Variants in MDGA2 observed in about 807,000 individuals in gnomAD.
MDGA2 encodes MAM domain containing glycosylphosphatidylinositol anchor 2.
A neutral mutation model predicts 117.8 loss-of-function variants in MDGA2; 40 were observed. The observed-to-expected ratio is 0.34, with a 90% CI of 0.26 to 0.44. MDGA2 has a LOEUF of 0.44. Among genes scored for constraint, MDGA2 ranks in the 20% least tolerant of loss-of-function variants. MDGA2 has a pLI of 1.00. For missense variants in MDGA2, 1,123 were observed against 1,250.6 expected, an observed-to-expected ratio of 0.90 and a Z score of 1.54; for synonymous variants, 452 against 439.0, an observed-to-expected ratio of 1.03 and a Z score of -0.37.
chr14:47,446,630 A>T (rs1893128294), intron 1 of MDGA2, among the ~76,000 whole-genome samples: 1 of 152,166 alleles, frequency 6.6e-6, no homozygotes, highest in African/African-American at 2.4e-5. Flanking sequence ...AAGACTTGCA[A>T]GACTGAAGTT....
intron 3 of MDGA2, 143 bp downstream of exon 3, chr14:47,217,878 C>T (rs571250361): frequency 2.4e-5 from 13 of 549,392 alleles, no homozygotes; most frequent in African/African-American, 1.2e-4. Flanking sequence ...TCTTCAGGAA[C>T]GTTTTAAGGG....
At chr14:47,308,484 T>G (rs1889529101) in intron 1 of MDGA2, among the ~76,000 whole-genome samples, 1 of 146,906 alleles carries the variant, frequency 6.8e-6, no homozygotes, top group Admixed American at 7.1e-5. Context: ...CTTTTCTTTT[T>G]TCCCTCTCTT....
intron 9 of MDGA2, among the ~76,000 whole-genome samples, chr14:46,921,067 A>T (rs1566526006): frequency 2.6e-5 from 4 of 152,120 alleles, no homozygotes; most frequent in East Asian, 1.9e-4. Flanking sequence ...CTGAAGTATA[A>T]TTTTTTCTAT....
chr14:47,066,800 T>C (rs941517253), intron 6 of MDGA2, among the ~76,000 whole-genome samples: 1 of 152,026 alleles, frequency 6.6e-6, no homozygotes, highest in Non-Finnish European at 1.5e-5. Context: ...TAAAACCTGT[T>C]TCAGAAAATG....
chr14:47,461,288 T>TGTGTGTGTGTGA (rs1368753684), intron 1 of MDGA2, among the ~76,000 whole-genome samples: 1 of 151,756 alleles, frequency 6.6e-6, no homozygotes, highest in African/African-American at 2.4e-5. Context: ...TGTGTGTGTG[T>TGTGTGTGTGTGA]GTGTGTGTGT....
In MDGA2 at chr14:46,905,803, A is replaced by G. The variant is rs563924847; in HGVS notation, c.2238+14209T>C. ...TAGATAACTGAAACAAAACAAAACA[A>G]AAAAACACAAATCTCTTTGGTGAGC... On this transcript the variant is annotated intron_variant, in intron 10 of 16. Transcript: ENST00000399232. Among the ~76,000 whole-genome samples the G allele has an allele frequency of 2.3e-3, 355 of 152,214 alleles. 1 individual carries two copies. The highest frequency in any genetic ancestry group is 8.1e-3 in the African/African-American group (338 of 41,570).
chr14:46,857,698 A>G (rs902845444), intron 14 of MDGA2, among the ~76,000 whole-genome samples: 1 of 152,144 alleles, frequency 6.6e-6, no homozygotes, highest in East Asian at 1.9e-4. Context: ...TCTGTCACCC[A>G]GACTGGTGTG....
At chr14:47,568,152 T>G (rs1378387965) in intron 1 of MDGA2, among the ~76,000 whole-genome samples, 1 of 152,166 alleles carries the variant, frequency 6.6e-6, no homozygotes, top group Non-Finnish European at 1.5e-5. Context: ...AAATCACATG[T>G]GGATTTTATG....
chr14:47,312,583 A>G (rs1232362520), intron 1 of MDGA2, among the ~76,000 whole-genome samples: 7 of 151,894 alleles, frequency 4.6e-5, no homozygotes, highest in East Asian at 1.9e-4. Flanking sequence ...AATCACCGTA[A>G]CCTGTAACCT....
Position 46,937,221 on chromosome 14 carries a change from C to A in MDGA2, c.2090-17061G>T, listed in dbSNP as rs374504818. On this transcript the variant is annotated intron_variant, in intron 9 of 16. Transcript: ENST00000399232. ...GCACACCGCTCCCCCGACACCCCCC[C>A]CAACACAAATACCTGAAACAAATTT... Among the ~76,000 whole-genome samples the A allele has an allele frequency of 2.4e-4, 36 of 150,778 alleles. No individual in the cohort carries two copies. The East Asian group carries it at 3.1e-3, about 13-fold the overall frequency.
chr14:47,597,478 A>C (rs1359346844), intron 1 of MDGA2, among the ~76,000 whole-genome samples: 1 of 152,060 alleles, frequency 6.6e-6, no homozygotes, highest in African/African-American at 2.4e-5. Flanking sequence ...AAATTTTCCA[A>C]CTATAATATG....
At chr14:46,918,735 T>C (rs1212806723) in intron 10 of MDGA2, among the ~76,000 whole-genome samples, 2 of 147,092 alleles carry the variant, frequency 1.4e-5, no homozygotes, top group East Asian at 2.0e-4. Flanking sequence ...ACAGGGTGAA[T>C]AAGAATATGC....
chr14:47,049,981 T>G (rs1889398419), intron 7 of MDGA2, among the ~76,000 whole-genome samples: 1 of 152,014 alleles, frequency 6.6e-6, no homozygotes, highest in Non-Finnish European at 1.5e-5. Flanking sequence ...CAACAGGACT[T>G]GCCAGGCTCC....
chr14:47,106,392 C>G (rs1296248761), intron 5 of MDGA2, among the ~76,000 whole-genome samples: 1 of 151,962 alleles, frequency 6.6e-6, no homozygotes, highest in East Asian at 2.0e-4. Context: ...ACAAGAACTT[C>G]CAAAGGCCTG....
Position 47,097,166 on chromosome 14 carries a change from C to T in MDGA2, c.926-43G>A, listed in dbSNP as rs193121236. The T allele has an allele frequency of 7.4e-4, 1,181 of 1,586,692 alleles. 1 individual carries two copies. The highest frequency in any genetic ancestry group is 9.2e-4 in the Non-Finnish European group (1,073 of 1,161,462). On this transcript the variant is annotated intron_variant, in intron 5 of 16. Coordinates refer to ENST00000399232, the MANE Select transcript of MDGA2 (RefSeq NM_001113498.3). ...AAGAACGTGCACCTATTTAGATATGCTACAACTAGAATTCAACAGCATGCA... is the reference window on the plus strand; with the variant it reads ...AAGAACGTGCACCTATTTAGATATGTTACAACTAGAATTCAACAGCATGCA...
chr14:46,925,629 C>A, intron 9 of MDGA2, among the ~76,000 whole-genome samples: 1 of 103,072 alleles, frequency 9.7e-6, no homozygotes, highest in Non-Finnish European at 1.9e-5. Context: ...AAGACTCTAC[C>A]TCAAAAAAAA....
At chr14:47,448,975 T>C (rs538625032) in intron 1 of MDGA2, among the ~76,000 whole-genome samples, 1 of 152,202 alleles carries the variant, frequency 6.6e-6, no homozygotes, top group African/African-American at 2.4e-5. Flanking sequence ...TCCTACACAT[T>C]TGGTGCCACA....
intron 1 of MDGA2, among the ~76,000 whole-genome samples, chr14:47,657,720 G>GATCC (rs1798253407): frequency 6.6e-6 from 1 of 152,088 alleles, no homozygotes; most frequent in Admixed American, 6.5e-5. Flanking sequence ...TAACCAAAGG[G>GATCC]ATCCACTGAA....
At chr14:47,363,080 T>A (rs1891158155) in intron 1 of MDGA2, among the ~76,000 whole-genome samples, 1 of 152,236 alleles carries the variant, frequency 6.6e-6, no homozygotes, top group Admixed American at 6.5e-5. Flanking sequence ...GATATTAATG[T>A]CTCTGTTTAT....
Sources: gnomAD v4.1 joint callset for allele counts (sites outside exome capture counted in the v4.1 genomes callset) on GRCh38, gnomAD v4.1.1 for gene constraint, MANE v1.5 for transcripts, NCBI Gene and HGNC (gene_info 2026-07-23, HGNC 2026-07-21) for gene names.